ADGRV1: variants seen among roughly 807,000 people sequenced by gnomAD.
ADGRV1 encodes the protein G-protein coupled receptor 98.
ADGRV1 carries 359 observed loss-of-function variants against 596.2 expected under a neutral mutation model. That is an observed-to-expected ratio of 0.60 (90% CI 0.55 to 0.66). The LOEUF is 0.66. ADGRV1 is among the 30% of genes least tolerant of loss of function. ADGRV1 has a pLI of 0.00. For synonymous variants in ADGRV1, 2,681 were observed against 2,679.2 expected (o/e 1.00, Z -0.02); for missense variants, 7,274 against 7,575.6 (o/e 0.96, Z 1.48).
chr5:90,851,749 G>A lies in ADGRV1; in HGVS notation c.17205-1535G>A, dbSNP rs141816454. 2.2e-4 allele frequency among the ~76,000 whole-genome samples: 33 copies of A among 152,304 alleles called. 1 individual carries two copies. The East Asian group carries it at 4.8e-3, about 22-fold the overall frequency. Reference sequence around the variant, plus strand: ...GAGGGACATAGGTGTCATAGGATAAGGTATCAGGGAAATTATGGTTATCAG... The same window carrying A: ...GAGGGACATAGGTGTCATAGGATAAAGTATCAGGGAAATTATGGTTATCAG... On this transcript the variant is annotated intron_variant, in intron 79 of 89. Coordinates refer to ENST00000405460, the MANE Select transcript of ADGRV1 (RefSeq NM_032119.4).
intron 83 of ADGRV1, among the ~76,000 whole-genome samples, chr5:90,916,197 AGTT>A (rs1310141002): frequency 2.0e-5 from 3 of 151,770 alleles, no homozygotes; most frequent in Admixed American, 6.6e-5. Flanking sequence ...CATCCCAGTG[AGTT>A]GTTTAGAAGC....
At chr5:90,935,668 C>A (rs916357429) in intron 83 of ADGRV1, among the ~76,000 whole-genome samples, 1 of 152,144 alleles carries the variant, frequency 6.6e-6, no homozygotes, top group Non-Finnish European at 1.5e-5. Context: ...AAAATTTATG[C>A]CCTTACACCT....
chr5:90,745,916 C>T, intron 52 of ADGRV1, 121 bp downstream of exon 52: 1 of 622,844 alleles, frequency 1.6e-6, no homozygotes, highest in Non-Finnish European at 2.8e-6. Context: ...CTCTCCCTTC[C>T]CTTTCCCCTG....
rs1216684454 is a variant in ADGRV1 at position 90,614,958 on chromosome 5, C to G, written c.146C>G (p.Thr49Arg). 6.3e-7 allele frequency: 1 copy of G among 1,579,504 alleles called. No homozygotes were observed. The highest frequency in any genetic ancestry group is 1.4e-5 in the African/African-American group (1 of 74,006). The change falls in exon 2 of 90, where the codon ACA becomes AGA. Residue 49 changes from threonine to arginine, a missense_variant. Physicochemically the swap from Thr to Arg is moderately conservative, Grantham distance 71. This residue lies in a region of ADGRV1 where 1,715 missense variants were observed against 1,708.8 expected (regional missense o/e 1.00). Transcript: ENST00000405460. ...TEFVVNETST[T>R]VIRLIIERIG... ...TTTGTTGTTAATGAAACAAGTACAA[C>G]AGTTATTCGTCTTATCATTGAAAGG...
chr5:90,756,854 C>A (rs868192837), intron 56 of ADGRV1, 125 bp from the exon 57 acceptor site: 3 of 820,374 alleles, frequency 3.7e-6, no homozygotes, highest in Middle Eastern at 7.3e-4. Context: ...ATACTTATAT[C>A]TGACTATTAA....
chr5:90,783,155 A>G lies in ADGRV1; in HGVS notation c.13263A>G (p.Pro4421=), dbSNP rs781773004. 3.1e-6 allele frequency: 5 copies of G among 1,613,586 alleles called. 1 individual carries two copies. In the East Asian group the frequency reaches 6.7e-5, roughly 22 times the overall value. The change falls in exon 66 of 90, where the codon CCA becomes CCG. Residue 4421 remains proline (P), a synonymous_variant. Transcript: ENST00000405460. ...AAGATGTTGGGCTGATCATGATCCC[A>G]GTGGTGAGGCTACATGGAACTTATG... ...VEEDVGLIMI[P]VVRLHGTYGY...
chr5:90,978,393 T>C (rs1263739649), intron 84 of ADGRV1, among the ~76,000 whole-genome samples: 1 of 152,158 alleles, frequency 6.6e-6, no homozygotes, highest in African/African-American at 2.4e-5. Flanking sequence ...TTAACTTCTG[T>C]CCTTCATTGG....
chr5:90,834,239 T>G (rs1764767766), intron 77 of ADGRV1, among the ~76,000 whole-genome samples: 1 of 152,152 alleles, frequency 6.6e-6, no homozygotes, highest in African/African-American at 2.4e-5. Flanking sequence ...TAACCATGAG[T>G]TTTGTACATT....
intron 1 of ADGRV1, among the ~76,000 whole-genome samples, chr5:90,562,775 A>G (rs1420529333): frequency 6.6e-6 from 1 of 152,196 alleles, no homozygotes; most frequent in Non-Finnish European, 1.5e-5. Flanking sequence ...ATACTCACAA[A>G]ATTATTAAGT....
At chr5:90,697,565 G>A (rs763072255) in intron 34 of ADGRV1, among the ~76,000 whole-genome samples, 2 of 152,034 alleles carry the variant, frequency 1.3e-5, no homozygotes, top group Non-Finnish European at 2.9e-5. Flanking sequence ...ATTGGTAACC[G>A]GTTAAAAACA....
chr5:91,028,688 C>T (rs1008431298), intron 85 of ADGRV1, among the ~76,000 whole-genome samples: 2 of 150,988 alleles, frequency 1.3e-5, no homozygotes, highest in Non-Finnish European at 2.9e-5. Flanking sequence ...TATCATGACA[C>T]CCAACATGTC....
chr5:90,625,837 T>C (rs1184131890), intron 6 of ADGRV1: 1 of 152,232 alleles, frequency 6.6e-6, no homozygotes, highest in African/African-American at 2.4e-5. Context: ...CCTGACCTCG[T>C]GATCCACCAG....
At chr5:90,643,438 T>C (rs1183134441) in intron 13 of ADGRV1, among the ~76,000 whole-genome samples, 1 of 152,198 alleles carries the variant, frequency 6.6e-6, no homozygotes, top group Non-Finnish European at 1.5e-5. Flanking sequence ...TTTATATTAA[T>C]GGAACCAGGT....
chr5:90,998,908 A>T (rs1292014071), intron 85 of ADGRV1, among the ~76,000 whole-genome samples: 3 of 152,124 alleles, frequency 2.0e-5, no homozygotes, highest in Non-Finnish European at 4.4e-5. Flanking sequence ...AGCTTCATTT[A>T]TCATGTACCA....
At chr5:90,813,060 G>A (rs1762575798) in intron 74 of ADGRV1, among the ~76,000 whole-genome samples, 1 of 141,632 alleles carries the variant, frequency 7.1e-6, no homozygotes, top group Non-Finnish European at 1.5e-5. Flanking sequence ...GTGAACCTGG[G>A]AGACGGAGCT....
chr5:90,675,265 G>A lies in ADGRV1; in HGVS notation c.5133G>A (p.Gly1711=), dbSNP rs531575148. Residue 1711 remains glycine, a synonymous_variant, in exon 24 of 90, where the codon GGG becomes GGA. Transcript: ENST00000405460. ...HPYGLLQFST[G]LPPQPKDAMT... ...TAGGCTTGCTGCAGTTCTCCACAGG[G>A]CTGCCTCCTCAGCCTAAGGACGCAA... 7 of 1,613,404 alleles carry A rather than the reference G, an allele frequency of 4.3e-6. No individual in the cohort carries two copies. In the South Asian group the frequency reaches 6.6e-5, roughly 15 times the overall value.
chr5:91,009,675 A>G (rs1198385632), intron 85 of ADGRV1, among the ~76,000 whole-genome samples: 1 of 152,066 alleles, frequency 6.6e-6, no homozygotes, highest in African/African-American at 2.4e-5. Context: ...ATTCCATGTA[A>G]GTTTTTTTTC....
chr5:90,854,203 T>A lies in ADGRV1; in HGVS notation c.17594+2T>A. ...CCTTTGGAATCAGGCTGCTGCAAGG[T>A]ACTTATTAATAAAATAAAAAAATCA... On this transcript the variant is annotated splice_donor_variant, in intron 81 of 89. Transcript: ENST00000405460. LOFTEE classifies it high-confidence loss of function. 1 of 1,521,944 alleles carries A rather than the reference T, an allele frequency of 6.6e-7. No homozygotes were observed. Among genetic ancestry groups the A allele is most frequent in the Non-Finnish European group, 8.8e-7 (1 of 1,136,060 alleles). 94.3% of individuals were successfully genotyped at this position (1,521,944 alleles called of 1,614,324 possible). A position where few individuals can be genotyped will look rare whatever the true frequency, so the allele number is the denominator to read the frequency against.
At chr5:90,945,322 C>T (rs1490511494) in intron 83 of ADGRV1, among the ~76,000 whole-genome samples, 1 of 151,920 alleles carries the variant, frequency 6.6e-6, no homozygotes, top group East Asian at 1.9e-4. Flanking sequence ...CTGAGCCCAC[C>T]AAAACTAGGA....
Sources: allele counts gnomAD v4.1 joint callset (sites outside exome capture counted in the v4.1 genomes callset), GRCh38; gene constraint gnomAD v4.1.1; regional missense constraint gnomAD v4.1.1; transcripts MANE v1.5; gene names NCBI Gene and HGNC (gene_info 2026-07-23, HGNC 2026-07-21).